OCA2: variants seen among roughly 807,000 people sequenced by gnomAD.
The protein encoded by OCA2 is P protein.
In OCA2, 77 loss-of-function variants were observed where a neutral mutation model predicts 100.2. The observed-to-expected ratio is 0.77, with a 90% confidence interval of 0.64 to 0.93. The LOEUF (loss-of-function observed/expected upper bound fraction) is 0.93, where lower values mean the gene tolerates loss of function less well. Among genes scored for constraint, OCA2 ranks in the 40% least tolerant of loss-of-function variants. The pLI is 0.00. For missense variants in OCA2, 1,062 were observed against 1,089.1 expected (o/e 0.98, Z 0.35); for synonymous variants, 432 against 439.2 (o/e 0.98, Z 0.21).
intron 18 of OCA2, among the ~76,000 whole-genome samples, chr15:27,929,942 C>T (rs2039186685): frequency 6.6e-6 from 1 of 152,002 alleles, no homozygotes; most frequent in African/African-American, 2.4e-5. Flanking sequence ...AATGACATTT[C>T]ACTATCTACC....
In OCA2 at chr15:27,775,875, C is replaced by T. The variant is rs562430075; in HGVS notation, c.2433-20403G>A. Among the ~76,000 whole-genome samples, 7 of 152,370 alleles carry T rather than the reference C, an allele frequency of 4.6e-5. No individual in the cohort carries two copies. The East Asian group carries it at 1.2e-3, about 25-fold the overall frequency. ...GCTCGGCCCTATGACCTCATTTTAA[C>T]TAACCACCTTGTAAAGGCCCTGTCT... is the stretch of plus-strand genomic sequence containing the variant. On this transcript the variant is annotated intron_variant, in intron 23 of 23. Coordinates refer to ENST00000354638, the MANE Select transcript of OCA2 (RefSeq NM_000275.3).
chr15:27,944,547 AGACTGGCCTTTTGAG>A (rs1240042083), intron 18 of OCA2, among the ~76,000 whole-genome samples: 1 of 152,184 alleles, frequency 6.6e-6, no homozygotes. Context: ...GGAGAGCCTA[AGACTGGCCTTTTGAG>A]ATACGTTTTC....
intron 9 of OCA2, among the ~76,000 whole-genome samples, chr15:28,014,453 G>A (rs1349535657): frequency 6.6e-6 from 1 of 152,188 alleles, no homozygotes; most frequent in Non-Finnish European, 1.5e-5. Flanking sequence ...AGTCTCAGAG[G>A]AGACTGTGAC....
At chr15:27,955,459 A>C (rs756169845) in intron 16 of OCA2, among the ~76,000 whole-genome samples, 9 of 152,206 alleles carry the variant, frequency 5.9e-5, no homozygotes, top group Non-Finnish European at 1.0e-4. Flanking sequence ...GAGGAGGTAC[A>C]TGTGACAGCT....
At chr15:27,886,929 T>C (rs1232021134) in intron 19 of OCA2, among the ~76,000 whole-genome samples, 1 of 152,200 alleles carries the variant, frequency 6.6e-6, no homozygotes, top group African/African-American at 2.4e-5. Flanking sequence ...CCAAATCTCA[T>C]CTGGTAGCTC....
At chr15:27,847,155 A>T (rs1380664626) in intron 22 of OCA2, among the ~76,000 whole-genome samples, 4 of 152,220 alleles carry the variant, frequency 2.6e-5, no homozygotes, top group African/African-American at 9.6e-5. Context: ...GAGGCAGGAC[A>T]TCAACTCGTT....
intron 22 of OCA2, among the ~76,000 whole-genome samples, chr15:27,850,836 G>A (rs900858167): frequency 2.6e-5 from 4 of 152,194 alleles, no homozygotes; most frequent in South Asian, 4.1e-4. Context: ...GGACTCCCCC[G>A]CTGTTCTCTC....
chr15:27,753,761 A>G (rs1227019944), downstream of OCA2, among the ~76,000 whole-genome samples: 1 of 151,932 alleles, frequency 6.6e-6, no homozygotes, highest in East Asian at 1.9e-4. Context: ...AAAGAAAGAA[A>G]GAAAGAAAGA....
chr15:27,763,581 C>T (rs539523422), intron 23 of OCA2, among the ~76,000 whole-genome samples: 5 of 152,200 alleles, frequency 3.3e-5, no homozygotes, highest in Non-Finnish European at 7.3e-5. Flanking sequence ...GGCAATGATG[C>T]GGCTGCTGTG....
intron 23 of OCA2, among the ~76,000 whole-genome samples, chr15:27,811,668 T>C (rs573110245): frequency 1.3e-5 from 2 of 152,338 alleles, no homozygotes; most frequent in South Asian, 4.1e-4. Flanking sequence ...TTTTGCCCTC[T>C]CTGTAGGGAC....
At chr15:28,054,807 G>A (rs748862124) in intron 2 of OCA2, among the ~76,000 whole-genome samples, 4 of 152,200 alleles carry the variant, frequency 2.6e-5, no homozygotes, top group Non-Finnish European at 2.9e-5. Context: ...TTGACTCACA[G>A]TTCCACATGG....
intron 7 of OCA2, 27 bp downstream of exon 7, chr15:28,018,370 T>A (rs1373476126): frequency 6.2e-7 from 1 of 1,610,900 alleles, no homozygotes; most frequent in Admixed American, 1.7e-5. Context: ...ATTTCACAAT[T>A]CCTTTCAAAT....
chr15:28,094,200 G>T (rs563628258), intron 1 of OCA2, among the ~76,000 whole-genome samples: 13 of 152,170 alleles, frequency 8.5e-5, no homozygotes, highest in Non-Finnish European at 1.5e-4. Flanking sequence ...CCTACCTCTG[G>T]GGGACCCCAA....
intron 19 of OCA2, among the ~76,000 whole-genome samples, chr15:27,874,043 T>C (rs2036690693): frequency 6.6e-6 from 1 of 152,004 alleles, no homozygotes; most frequent in African/African-American, 2.4e-5. Flanking sequence ...AGCAATGACC[T>C]GACATCCTTG....
downstream of OCA2, among the ~76,000 whole-genome samples, chr15:27,753,120 A>T (rs1264780801): frequency 4.6e-5 from 7 of 152,134 alleles, no homozygotes; most frequent in Non-Finnish European, 8.8e-5. Context: ...ATAAACAAAC[A>T]ACTAAGCTAC....
At chr15:27,890,391 A>G (rs1032914617) in intron 19 of OCA2, among the ~76,000 whole-genome samples, 3 of 152,242 alleles carry the variant, frequency 2.0e-5, no homozygotes, top group Non-Finnish European at 2.9e-5. Context: ...GATGAACCCA[A>G]AGAAATCCAT....
intron 23 of OCA2, among the ~76,000 whole-genome samples, chr15:27,799,000 C>T (rs2033470061): frequency 6.6e-6 from 1 of 152,344 alleles, no homozygotes; most frequent in Admixed American, 6.5e-5. Flanking sequence ...GAGAGATCTG[C>T]ATCACAATTG....
intron 19 of OCA2, among the ~76,000 whole-genome samples, chr15:27,904,106 C>T (rs1219007878): frequency 3.9e-5 from 6 of 152,294 alleles, no homozygotes; most frequent in Admixed American, 3.9e-4. Context: ...CAAGTCATAG[C>T]TCCCGTTCTC....
At chr15:27,786,734 A>T (rs1331374110) in intron 23 of OCA2, among the ~76,000 whole-genome samples, 1 of 152,070 alleles carries the variant, frequency 6.6e-6, no homozygotes, top group African/African-American at 2.4e-5. Context: ...GGATTCTGTC[A>T]TTTGTAAATA....
Sources: allele counts gnomAD v4.1 joint callset (sites outside exome capture counted in the v4.1 genomes callset), GRCh38; gene constraint gnomAD v4.1.1; transcripts MANE v1.5; gene names NCBI Gene and HGNC (gene_info 2026-07-23, HGNC 2026-07-21).